PRKD1: variants seen among roughly 807,000 people sequenced by gnomAD.
The protein encoded by PRKD1 is protein kinase D1, also known as serine/threonine-protein kinase D1.
In PRKD1, 63 loss-of-function variants were observed where a neutral mutation model predicts 95.9. That is an observed-to-expected ratio of 0.66 (90% CI 0.54 to 0.81). PRKD1 has a LOEUF of 0.81. PRKD1 is among the 30% of genes least tolerant of loss of function. The probability of loss-of-function intolerance (pLI) is 0.00; values close to 1 mark genes in which losing one functional copy is unlikely to be tolerated. For missense variants in PRKD1, 1,048 were observed against 1,165.3 expected (o/e 0.90, Z 1.47); for synonymous variants, 425 against 423.1 (o/e 1.00, Z -0.05).
At chr14:29,590,280 T>C (rs1893082731) in intron 16 of PRKD1, among the ~76,000 whole-genome samples, 1 of 152,176 alleles carries the variant, frequency 6.6e-6, no homozygotes, top group Non-Finnish European at 1.5e-5. Flanking sequence ...TTTTCCTCCT[T>C]CTCCCAATTA....
intron 2 of PRKD1, among the ~76,000 whole-genome samples, chr14:29,686,564 C>A (rs887338620): frequency 3.9e-5 from 6 of 152,116 alleles, no homozygotes. Flanking sequence ...GGGGCTGGGG[C>A]CTTGCTATTG....
chr14:29,919,288 C>T (rs1327250143), intron 1 of PRKD1, among the ~76,000 whole-genome samples: 1 of 152,190 alleles, frequency 6.6e-6, no homozygotes, highest in Non-Finnish European at 1.5e-5. Flanking sequence ...GAAGAAACTT[C>T]TACACAGGAA....
chr14:29,791,488 C>T (rs1889543042), intron 1 of PRKD1, among the ~76,000 whole-genome samples: 1 of 152,122 alleles, frequency 6.6e-6, no homozygotes, highest in Non-Finnish European at 1.5e-5. Context: ...TAGCTGTTTC[C>T]TACCCGTCAA....
At chr14:29,826,126 C>G (rs921307129) in intron 1 of PRKD1, among the ~76,000 whole-genome samples, 1 of 149,176 alleles carries the variant, frequency 6.7e-6, no homozygotes, top group African/African-American at 2.5e-5. Flanking sequence ...GTGTGTCTCT[C>G]TCTATATATA....
chr14:29,703,703 AAT>A (rs1337730559), intron 2 of PRKD1, among the ~76,000 whole-genome samples: 1 of 152,154 alleles, frequency 6.6e-6, no homozygotes, highest in Non-Finnish European at 1.5e-5. Context: ...TACACAAATA[AAT>A]ATATGTTAAT....
chr14:29,789,440 A>C (rs918908172), intron 1 of PRKD1, among the ~76,000 whole-genome samples: 5 of 151,962 alleles, frequency 3.3e-5, no homozygotes, highest in Admixed American at 3.3e-4. Flanking sequence ...GGTTGGGTTG[A>C]GTGCTTAGGC....
intron 1 of PRKD1, among the ~76,000 whole-genome samples, chr14:29,731,886 T>A (rs1479954549): frequency 1.3e-5 from 2 of 151,888 alleles, no homozygotes; most frequent in African/African-American, 4.8e-5. Context: ...TTTTTTTTTT[T>A]TTTTTGAGAC....
At chr14:29,595,370 AG>A (rs1346409042) in intron 16 of PRKD1, among the ~76,000 whole-genome samples, 1 of 152,172 alleles carries the variant, frequency 6.6e-6, no homozygotes, top group Non-Finnish European at 1.5e-5. Flanking sequence ...CTGAACTTGG[AG>A]GCCCTGGTTT....
chr14:29,584,125 G>A (rs1217725338), intron 16 of PRKD1, among the ~76,000 whole-genome samples: 1 of 152,144 alleles, frequency 6.6e-6, no homozygotes. Flanking sequence ...AGGGCTTTAT[G>A]TTCTAATATG....
At chr14:29,773,527 ACT>A (rs796230745) in intron 1 of PRKD1, among the ~76,000 whole-genome samples, 65 of 151,742 alleles carry the variant, frequency 4.3e-4, no homozygotes, top group African/African-American at 1.4e-3. Flanking sequence ...TACACATATG[ACT>A]CTACATGATC....
chr14:29,624,099 T>C (rs900861734), intron 13 of PRKD1, 53 bp downstream of exon 13: 25 of 1,305,174 alleles, frequency 1.9e-5, no homozygotes, highest in Middle Eastern at 1.9e-4. Flanking sequence ...TTTGCAGAAG[T>C]AAAGGATGAG....
intron 4 of PRKD1, among the ~76,000 whole-genome samples, chr14:29,651,242 A>C (rs1346985985): frequency 2.6e-5 from 4 of 152,248 alleles, no homozygotes; most frequent in African/African-American, 7.2e-5. Flanking sequence ...TTAAAAATAC[A>C]GAAAAGCACT....
chr14:29,785,834 A>AAAATAAAT (rs371063911), intron 1 of PRKD1, among the ~76,000 whole-genome samples: 4 of 150,776 alleles, frequency 2.7e-5, no homozygotes, highest in South Asian at 2.1e-4. Context: ...ATAATAAAAT[A>AAAATAAAT]AAATAAATAA....
chr14:29,750,196 G>A (rs1887411639), intron 1 of PRKD1, among the ~76,000 whole-genome samples: 1 of 152,036 alleles, frequency 6.6e-6, no homozygotes, highest in South Asian at 2.1e-4. Context: ...AATCAACTAT[G>A]AATTTTTAAA....
rs903426147 is a variant in PRKD1, at chr14:29,584,441, C to T, written c.2435-6081G>A. Among the ~76,000 whole-genome samples the T allele has an allele frequency of 3.3e-5, 5 of 152,102 alleles. No individual in the cohort carries two copies. In the South Asian group the frequency reaches 8.3e-4, roughly 25 times the overall value. On this transcript the variant is annotated intron_variant, in intron 16 of 17. Transcript: ENST00000331968. Reference sequence around the variant, plus strand: ...CACCTTTCAATCATGTTCCATTTCCCATTTTATTTCCTTTTATTATTTCAA... The same window carrying T: ...CACCTTTCAATCATGTTCCATTTCCTATTTTATTTCCTTTTATTATTTCAA...
At chr14:29,843,128 A>G (rs1332752407) in intron 1 of PRKD1, among the ~76,000 whole-genome samples, 1 of 152,188 alleles carries the variant, frequency 6.6e-6, no homozygotes, top group East Asian at 1.9e-4. Context: ...TAAAGAGGCA[A>G]TTAAGGTAAA....
chr14:29,765,251 C>T (rs919645495), intron 1 of PRKD1, among the ~76,000 whole-genome samples: 2 of 152,120 alleles, frequency 1.3e-5, no homozygotes, highest in Non-Finnish European at 2.9e-5. Context: ...ATAAACACTT[C>T]ACAAAAGAGG....
chr14:29,684,493 A>G (rs1179168540), intron 2 of PRKD1, among the ~76,000 whole-genome samples: 1 of 152,162 alleles, frequency 6.6e-6, no homozygotes, highest in African/African-American at 2.4e-5. Flanking sequence ...ATCACCTTTT[A>G]TATTTCTTCT....
chr14:29,617,238 G>T (rs1203268028), intron 13 of PRKD1, among the ~76,000 whole-genome samples: 1 of 151,968 alleles, frequency 6.6e-6, no homozygotes, highest in Admixed American at 6.6e-5. Context: ...CTTTCCTATT[G>T]TGAGTTGTGA....
Sources: gnomAD v4.1 joint callset for allele counts (sites outside exome capture counted in the v4.1 genomes callset) on GRCh38, gnomAD v4.1.1 for gene constraint, MANE v1.5 for transcripts, NCBI Gene and HGNC (gene_info 2026-07-23, HGNC 2026-07-21) for gene names.